The following SPMIP2 variants were observed in gnomAD, a reference collection of about 807,000 sequenced individuals.
SPMIP2 encodes the protein protein SPMIP2.
At chr4:159,066,607 ATATATATATATATAG>A in the SPMIP2 span, among the ~76,000 whole-genome samples, 57,897 of 146,190 alleles carry the variant, frequency 0.4, 12,081 homozygotes, top group East Asian at 0.6. Flanking sequence ...ATATATATAT[ATATATATATATATAG>A]TATTAAAGGG....
the SPMIP2 span, among the ~76,000 whole-genome samples, chr4:159,048,126 GA>G: frequency 1.3e-5 from 2 of 152,128 alleles, no homozygotes; most frequent in African/African-American, 4.8e-5. Flanking sequence ...TAGGCCACCT[GA>G]ACTCGCTTAA....
the SPMIP2 span, among the ~76,000 whole-genome samples, chr4:159,060,438 G>A: frequency 6.6e-6 from 1 of 152,194 alleles, no homozygotes; most frequent in African/African-American, 2.4e-5. Flanking sequence ...TGTCAGTGGA[G>A]TCAGAAAACA....
the SPMIP2 span, among the ~76,000 whole-genome samples, chr4:158,911,723 C>G: frequency 6.6e-6 from 1 of 152,184 alleles, no homozygotes; most frequent in African/African-American, 2.4e-5. Flanking sequence ...CCTACTGAAT[C>G]ATAATCTGCA....
At chr4:158,964,947 C>A in the SPMIP2 span, among the ~76,000 whole-genome samples, 1 of 152,310 alleles carries the variant, frequency 6.6e-6, no homozygotes, top group Admixed American at 6.5e-5. Flanking sequence ...CCCACCAGGT[C>A]CTTTCCTTGA....
the SPMIP2 span, among the ~76,000 whole-genome samples, chr4:159,028,953 G>C: frequency 2.6e-5 from 4 of 152,020 alleles, no homozygotes; most frequent in Non-Finnish European, 2.9e-5. Context: ...AAATAAGCTG[G>C]GCGTGGTGGC....
chr4:158,945,668 G>A, the SPMIP2 span, among the ~76,000 whole-genome samples: 1 of 152,174 alleles, frequency 6.6e-6, no homozygotes, highest in Non-Finnish European at 1.5e-5. Context: ...CGGATGAACA[G>A]TTGGGAAACC....
At chr4:159,004,289 C>CTTTTTTTTTTTTT in the SPMIP2 span, among the ~76,000 whole-genome samples, 7 of 78,928 alleles carry the variant, frequency 8.9e-5, no homozygotes, top group African/African-American at 9.6e-5. Flanking sequence ...ACTCTGTGCT[C>CTTTTTTTTTTTTT]TTTTTTTTTT....
chr4:158,997,861 T>C, the SPMIP2 span, among the ~76,000 whole-genome samples: 4 of 152,282 alleles, frequency 2.6e-5, no homozygotes, highest in South Asian at 4.1e-4. Flanking sequence ...CTTACTATGT[T>C]GCCCAGGCTG....
the SPMIP2 span, among the ~76,000 whole-genome samples, chr4:158,987,770 A>G: frequency 6.6e-6 from 1 of 152,084 alleles, no homozygotes; most frequent in Non-Finnish European, 1.5e-5. Context: ...CCTAAAACTT[A>G]AAGTATAATA....
the SPMIP2 span, among the ~76,000 whole-genome samples, chr4:158,954,177 C>G: frequency 1.3e-5 from 2 of 152,168 alleles, no homozygotes; most frequent in African/African-American, 4.8e-5. Context: ...AATTGTACTC[C>G]CATAATTCCC....
chr4:158,922,333 T>C, the SPMIP2 span, among the ~76,000 whole-genome samples: 1 of 152,070 alleles, frequency 6.6e-6, no homozygotes, highest in Non-Finnish European at 1.5e-5. Context: ...ACAGACCCCT[T>C]CTCACTCTGC....
At chr4:158,948,467 G>T in the SPMIP2 span, among the ~76,000 whole-genome samples, 1 of 152,136 alleles carries the variant, frequency 6.6e-6, no homozygotes, top group South Asian at 2.1e-4. Context: ...CCAGCATTGT[G>T]TCAAGAAGTG....
the SPMIP2 span, among the ~76,000 whole-genome samples, chr4:159,040,604 T>C: frequency 6.6e-6 from 1 of 152,048 alleles, no homozygotes; most frequent in Non-Finnish European, 1.5e-5. Context: ...TAGCTGAGAT[T>C]AGAGGTGTGT....
At chr4:158,921,273 T>C in the SPMIP2 span, among the ~76,000 whole-genome samples, 3 of 152,270 alleles carry the variant, frequency 2.0e-5, no homozygotes, top group East Asian at 5.8e-4. Context: ...ACCCCGTCTC[T>C]ACTAAAAATA....
the SPMIP2 span, among the ~76,000 whole-genome samples, chr4:159,042,812 AC>A: frequency 1.3e-5 from 2 of 151,876 alleles, no homozygotes; most frequent in African/African-American, 4.8e-5. Flanking sequence ...ACAGGCATGC[AC>A]CACCACACCT....
the SPMIP2 span, among the ~76,000 whole-genome samples, chr4:159,082,693 T>C: frequency 1.3e-5 from 2 of 152,222 alleles, no homozygotes; most frequent in Admixed American, 1.3e-4. Context: ...AATCTGATCA[T>C]AATTAGAAAC....
At chr4:159,011,642 T>C in the SPMIP2 span, among the ~76,000 whole-genome samples, 2 of 151,178 alleles carry the variant, frequency 1.3e-5, no homozygotes, top group Non-Finnish European at 2.9e-5. Context: ...TTATCCCAGC[T>C]ACAGGGGAGG....
At chr4:159,004,109 C>T in the SPMIP2 span, among the ~76,000 whole-genome samples, 6 of 152,016 alleles carry the variant, frequency 3.9e-5, no homozygotes, top group Non-Finnish European at 7.4e-5. Flanking sequence ...CTCTACCTCC[C>T]GGGTTCAAGT....
the SPMIP2 span, among the ~76,000 whole-genome samples, chr4:158,910,411 A>G: frequency 6.6e-6 from 1 of 151,828 alleles, no homozygotes; most frequent in Admixed American, 6.6e-5. Context: ...AGTAGTTGGG[A>G]TTACAGGCAT....
Sources: allele counts gnomAD v4.1 joint callset (sites outside exome capture counted in the v4.1 genomes callset), GRCh38; gene constraint gnomAD v4.1.1; transcripts MANE v1.5; gene names NCBI Gene and HGNC (gene_info 2026-07-23, HGNC 2026-07-21).